FHIT: variants seen among roughly 807,000 people sequenced by gnomAD.
FHIT encodes fragile histidine triad diadenosine triphosphatase.
Under a neutral mutation model 17.9 loss-of-function variants are expected in FHIT, and 19 were observed. The observed-to-expected ratio is 1.06, with a 90% CI of 0.74 to 1.56. FHIT has a LOEUF of 1.56. Ranked by LOEUF, FHIT falls within the 40% of genes most tolerant of loss-of-function variation. FHIT has a pLI of 0.00. For missense variants in FHIT, 248 were observed against 189.2 expected, an observed-to-expected ratio of 1.31 and a Z score of -1.82; for synonymous variants, 81 against 69.7, an observed-to-expected ratio of 1.16 and a Z score of -0.81.
rs140302033 is a variant in FHIT, at chr3:60,841,927, G to A, written c.-110-19916C>T. Among the ~76,000 whole-genome samples the A allele has an allele frequency of 5.3e-5, 8 of 152,318 alleles. No individual in the cohort carries two copies. In the East Asian group the frequency reaches 1.5e-3, roughly 29 times the overall value. Reference sequence around the variant, plus strand: ...ATTTGCAGAAATTAATAGGCAGGCTGTATGTCAGGAAAGTTTCTGGCTCTC... The same window carrying A: ...ATTTGCAGAAATTAATAGGCAGGCTATATGTCAGGAAAGTTTCTGGCTCTC... On this transcript the variant is annotated intron_variant, in intron 3 of 9. Transcript: ENST00000492590.
At chr3:60,508,638 A>G (rs1287703438) in intron 5 of FHIT, among the ~76,000 whole-genome samples, 1 of 152,208 alleles carries the variant, frequency 6.6e-6, no homozygotes, top group African/African-American at 2.4e-5. Context: ...GATAATACAA[A>G]GTACTTCAAA....
intron 3 of FHIT, among the ~76,000 whole-genome samples, chr3:60,918,582 A>C (rs1165657343): frequency 1.3e-5 from 2 of 152,120 alleles, no homozygotes; most frequent in African/African-American, 4.8e-5. Context: ...GAGAGGGTGA[A>C]GGAATGGTTC....
rs937868665 is a variant in FHIT, at chr3:59,937,034, C to G, written c.280-14620G>C. ...AGACAAATGGTTTGATTAAAACGGT[C>G]ACCCCAAAGTAACTGAATTCAGACA... On this transcript the variant is annotated intron_variant, in intron 7 of 9. Coordinates refer to ENST00000492590, the MANE Select transcript of FHIT (RefSeq NM_002012.4). 2.0e-5 allele frequency among the ~76,000 whole-genome samples: 3 copies of G among 152,164 alleles called. No individual in the cohort carries two copies. The South Asian group carries it at 6.2e-4, about 32-fold the overall frequency.
intron 5 of FHIT, among the ~76,000 whole-genome samples, chr3:60,286,266 T>C (rs956858603): frequency 6.6e-6 from 1 of 152,234 alleles, no homozygotes; most frequent in African/African-American, 2.4e-5. Context: ...AATCTTTGAC[T>C]ATTTTTCTAT....
chr3:59,756,241 G>T (rs1296847182), intron 8 of FHIT, among the ~76,000 whole-genome samples: 1 of 152,140 alleles, frequency 6.6e-6, no homozygotes, highest in African/African-American at 2.4e-5. Context: ...AGGATTAAAA[G>T]TTATGATCAG....
rs1441895417 is a variant in FHIT, at chr3:60,786,498, G to C, written c.-18+35421C>G. 4.6e-5 allele frequency among the ~76,000 whole-genome samples: 7 copies of C among 152,158 alleles called. No homozygotes were observed. The East Asian group carries it at 1.4e-3, about 29-fold the overall frequency. On this transcript the variant is annotated intron_variant, in intron 4 of 9. Coordinates refer to ENST00000492590, the MANE Select transcript of FHIT (RefSeq NM_002012.4). ...CTTAGCAATACCTGTCCTCAAATAA[G>C]TTATTTCACCCTACCTGAGTCTGTT...
intron 5 of FHIT, among the ~76,000 whole-genome samples, chr3:60,054,424 T>C (rs1355333222): frequency 6.6e-6 from 1 of 152,150 alleles, no homozygotes; most frequent in Non-Finnish European, 1.5e-5. Context: ...CAAATGTAAA[T>C]GCACCCTGTG....
chr3:60,768,725 G>C (rs1699935122), intron 4 of FHIT, among the ~76,000 whole-genome samples: 1 of 152,210 alleles, frequency 6.6e-6, no homozygotes, highest in Admixed American at 6.5e-5. Flanking sequence ...CCTGTGAGGG[G>C]CCCTGGCAAG....
At chr3:59,977,273 G>A (rs1708456261) in intron 7 of FHIT, among the ~76,000 whole-genome samples, 1 of 152,140 alleles carries the variant, frequency 6.6e-6, no homozygotes, top group Non-Finnish European at 1.5e-5. Flanking sequence ...ACTCCAGCCT[G>A]CGGTTGCTTC....
intron 5 of FHIT, among the ~76,000 whole-genome samples, chr3:60,396,382 T>C (rs991889472): frequency 1.3e-5 from 2 of 152,000 alleles, no homozygotes; most frequent in Non-Finnish European, 2.9e-5. Flanking sequence ...TATGAGCGAG[T>C]GACAAAAAGG....
At chr3:60,683,592 C>A (rs2107867604) in intron 4 of FHIT, among the ~76,000 whole-genome samples, 1 of 152,114 alleles carries the variant, frequency 6.6e-6, no homozygotes, top group South Asian at 2.1e-4. Context: ...CTTTTATATT[C>A]ACTGGGAAAC....
chr3:60,639,608 A>G (rs1215150533), intron 4 of FHIT, among the ~76,000 whole-genome samples: 1 of 152,214 alleles, frequency 6.6e-6, no homozygotes, highest in African/African-American at 2.4e-5. Context: ...TTAAATCAAT[A>G]TAACTTGCTT....
At chr3:61,050,354 T>C (rs1469548609) in intron 2 of FHIT, among the ~76,000 whole-genome samples, 1 of 151,996 alleles carries the variant, frequency 6.6e-6, no homozygotes, top group African/African-American at 2.4e-5. Flanking sequence ...AGAGGACTAA[T>C]TAAAAAAAAG....
At chr3:61,043,844 A>G (rs765313881) in intron 2 of FHIT, among the ~76,000 whole-genome samples, 1 of 152,196 alleles carries the variant, frequency 6.6e-6, no homozygotes, top group African/African-American at 2.4e-5. Flanking sequence ...TGCAGCCTCC[A>G]CAGGTGATAC....
chr3:60,353,797 G>C (rs1027598808), intron 5 of FHIT, among the ~76,000 whole-genome samples: 5 of 152,090 alleles, frequency 3.3e-5, no homozygotes, highest in African/African-American at 1.2e-4. Flanking sequence ...AAGTTAAAAT[G>C]AGACAGACAC....
chr3:61,043,087 G>A (rs1176344633), intron 2 of FHIT, among the ~76,000 whole-genome samples: 2 of 152,148 alleles, frequency 1.3e-5, no homozygotes, highest in African/African-American at 4.8e-5. Flanking sequence ...GAGGTACCGG[G>A]TTCATCTCAC....
At chr3:60,565,343 T>C (rs1023773807) in intron 4 of FHIT, among the ~76,000 whole-genome samples, 1 of 152,158 alleles carries the variant, frequency 6.6e-6, no homozygotes, top group Non-Finnish European at 1.5e-5. Context: ...ATACTACCCA[T>C]GCTGCCCCCA....
chr3:60,691,317 C>T (rs2040984240), intron 4 of FHIT, among the ~76,000 whole-genome samples: 1 of 151,504 alleles, frequency 6.6e-6, no homozygotes, highest in African/African-American at 2.4e-5. Context: ...TTTTATTGCA[C>T]CTGTTCATTT....
At chr3:60,963,477 G>A (rs1709562487) in intron 3 of FHIT, among the ~76,000 whole-genome samples, 1 of 152,136 alleles carries the variant, frequency 6.6e-6, no homozygotes. Flanking sequence ...GCTAGCCTTT[G>A]AATGTGTTTG....
Sources: allele counts gnomAD v4.1 joint callset (sites outside exome capture counted in the v4.1 genomes callset), GRCh38; gene constraint gnomAD v4.1.1; transcripts MANE v1.5; gene names NCBI Gene and HGNC (gene_info 2026-07-23, HGNC 2026-07-21).